The following CHODL variants were observed in gnomAD, a reference collection of about 807,000 sequenced individuals.
CHODL encodes chondrolectin.
A neutral mutation model predicts 34.5 loss-of-function variants in CHODL; 29 were observed. The ratio of observed to expected loss-of-function variants is 0.84; its 90% confidence interval spans 0.63 to 1.15. The LOEUF is 1.15. CHODL is among the 50% of genes most tolerant of loss of function. The pLI, the probability that CHODL is intolerant of heterozygous loss-of-function variation, is 0.00. For missense variants in CHODL, 332 were observed against 332.5 expected, an observed-to-expected ratio of 1.00 and a Z score of 0.01; for synonymous variants, 125 against 116.1, an observed-to-expected ratio of 1.08 and a Z score of -0.49.
intron 2 of CHODL, among the ~76,000 whole-genome samples, chr21:18,103,298 T>G (rs2146547940): frequency 6.6e-6 from 1 of 152,292 alleles, no homozygotes; most frequent in East Asian, 1.9e-4. Flanking sequence ...GTTTTAAATA[T>G]AAACATCCTA....
intron 2 of CHODL, among the ~76,000 whole-genome samples, chr21:18,235,914 T>C (rs1375284900): frequency 6.6e-6 from 1 of 152,152 alleles, no homozygotes; most frequent in Non-Finnish European, 1.5e-5. Flanking sequence ...CTTAGCATCA[T>C]ATAGATTTAG....
At chr21:17,922,364 C>G (rs540151959) in intron 1 of CHODL, among the ~76,000 whole-genome samples, 1 of 152,100 alleles carries the variant, frequency 6.6e-6, no homozygotes, top group Non-Finnish European at 1.5e-5. Flanking sequence ...AGAGGTGGAG[C>G]GAGGCCCAGA....
At chr21:18,096,757 C>T (rs959731098) in intron 2 of CHODL, among the ~76,000 whole-genome samples, 2 of 152,152 alleles carry the variant, frequency 1.3e-5, no homozygotes, top group Non-Finnish European at 2.9e-5. Flanking sequence ...CTTGCTCTGC[C>T]ATTTGCCTTG....
chr21:18,176,592 C>CTTTAGA (rs1468692390), intron 2 of CHODL, among the ~76,000 whole-genome samples: 1 of 152,080 alleles, frequency 6.6e-6, no homozygotes, highest in Admixed American at 6.5e-5. Context: ...TTTTTTGAAG[C>CTTTAGA]TTGTTTATCT....
chr21:17,948,347 G>T (rs1039297878), intron 1 of CHODL, among the ~76,000 whole-genome samples: 2 of 151,306 alleles, frequency 1.3e-5, no homozygotes, highest in African/African-American at 4.8e-5. Context: ...AAAGAAGAAA[G>T]ATCTTAAATA....
chr21:18,254,053 T>C (rs1052093790), intron 1 of CHODL, among the ~76,000 whole-genome samples: 3 of 152,108 alleles, frequency 2.0e-5, no homozygotes, highest in African/African-American at 7.2e-5. Flanking sequence ...CATAGGTCAT[T>C]AACTGCTGAC....
chr21:17,936,543 T>G lies in CHODL; in HGVS notation c.-145+19143T>G, dbSNP rs562926771. On this transcript the variant is annotated intron_variant, in intron 1 of 6. Coordinates refer to the CHODL transcript ENST00000400127. ...TAGAGAAATTTCATAGTACTTAGAA[T>G]GTGAAACAGATCCAATGGAAAGCTG... Among the ~76,000 whole-genome samples the G allele has an allele frequency of 3.3e-5, 5 of 152,156 alleles. No individual in the cohort carries two copies. The East Asian group carries it at 9.7e-4, about 29-fold the overall frequency.
At chr21:18,099,553 AAGAT>A (rs1372373187) in intron 2 of CHODL, among the ~76,000 whole-genome samples, 1 of 152,022 alleles carries the variant, frequency 6.6e-6, no homozygotes, top group Admixed American at 6.6e-5. Context: ...TAAAGATAAA[AAGAT>A]AGTCCTAAAT....
At chr21:18,072,788 G>A (rs1200969818) in intron 2 of CHODL, among the ~76,000 whole-genome samples, 1 of 152,062 alleles carries the variant, frequency 6.6e-6, no homozygotes, top group Non-Finnish European at 1.5e-5. Flanking sequence ...AAGTCAGTCT[G>A]CCACCTCACC....
chr21:18,027,034 T>C (rs1189733330), intron 1 of CHODL, among the ~76,000 whole-genome samples: 2 of 152,052 alleles, frequency 1.3e-5, no homozygotes, highest in Non-Finnish European at 2.9e-5. Context: ...CCTAGTGCTT[T>C]GGGAGGCAGA....
intron 1 of CHODL, among the ~76,000 whole-genome samples, chr21:17,990,308 A>G (rs1414574276): frequency 6.6e-6 from 1 of 152,076 alleles, no homozygotes; most frequent in Non-Finnish European, 1.5e-5. Flanking sequence ...CACTGTACAC[A>G]CACTTCCCAA....
intron 1 of CHODL, among the ~76,000 whole-genome samples, chr21:17,981,154 C>CAA (rs1175117241): frequency 6.6e-6 from 1 of 152,016 alleles, no homozygotes. Context: ...TGAATAGAAA[C>CAA]AAAGTAGTTA....
intron 2 of CHODL, among the ~76,000 whole-genome samples, chr21:18,239,385 T>A (rs1380034139): frequency 6.6e-6 from 1 of 152,006 alleles, no homozygotes; most frequent in Non-Finnish European, 1.5e-5. Flanking sequence ...AGCAGCAGAG[T>A]GACAGATGTA....
intron 2 of CHODL, among the ~76,000 whole-genome samples, chr21:18,213,673 T>C (rs1161766387): frequency 1.3e-5 from 2 of 152,042 alleles, no homozygotes; most frequent in Non-Finnish European, 2.9e-5. Flanking sequence ...TACTAAGAAC[T>C]TGGGGTCATC....
Position 18,127,182 on chromosome 21 carries a change from T to G in CHODL, c.-45+99211T>G, listed in dbSNP as rs78042696. Among the ~76,000 whole-genome samples the G allele has an allele frequency of 1.2e-3, 119 of 101,270 alleles. 1 individual carries two copies. The highest frequency in any genetic ancestry group is 0.011 in the Admixed American group (89 of 7,756). The allele number at this position is 101,270 out of a possible 152,430, so 66.4% of individuals were successfully genotyped here. A position where few individuals can be genotyped will look rare whatever the true frequency, so the allele number is the denominator to read the frequency against. ...GAGGAATAATGATGATGGATATATG[T>G]TTTTTTTTAAGGAATAATGAAAATG... On this transcript the variant is annotated intron_variant, in intron 2 of 6. Transcript: ENST00000400127.
chr21:17,947,072 G>A (rs1032591293), intron 1 of CHODL, among the ~76,000 whole-genome samples: 4 of 152,030 alleles, frequency 2.6e-5, no homozygotes, highest in African/African-American at 9.7e-5. Context: ...ACTAGTAAGA[G>A]AGTTAGCAAC....
intron 1 of CHODL, among the ~76,000 whole-genome samples, chr21:18,007,110 G>A (rs141447159): frequency 1.3e-5 from 2 of 152,228 alleles, no homozygotes; most frequent in East Asian, 1.9e-4. Flanking sequence ...CAAAGAATAC[G>A]TGTGGAATTG....
chr21:18,199,274 T>C (rs1275888389), intron 2 of CHODL, among the ~76,000 whole-genome samples: 1 of 152,116 alleles, frequency 6.6e-6, no homozygotes, highest in African/African-American at 2.4e-5. Context: ...TCAATCAAAC[T>C]TGATTTAGGA....
intron 1 of CHODL, among the ~76,000 whole-genome samples, chr21:17,949,918 G>A (rs2063442324): frequency 6.6e-6 from 1 of 152,082 alleles, no homozygotes; most frequent in Non-Finnish European, 1.5e-5. Flanking sequence ...GTGGATTGAG[G>A]AACATCTGCA....
Sources: gnomAD v4.1 joint callset for allele counts (sites outside exome capture counted in the v4.1 genomes callset) on GRCh38, gnomAD v4.1.1 for gene constraint, MANE v1.5 for transcripts, NCBI Gene and HGNC (gene_info 2026-07-23, HGNC 2026-07-21) for gene names.